The following ANKRD28 variants were observed in gnomAD, a reference collection of about 807,000 sequenced individuals.
The protein encoded by ANKRD28 is ankyrin repeat domain 28, also known as serine/threonine-protein phosphatase 6 regulatory ankyrin repeat subunit A.
In ANKRD28, 44 loss-of-function variants were observed where a neutral mutation model predicts 126.5. The ratio of observed to expected loss-of-function variants is 0.35; its 90% CI spans 0.27 to 0.45. The LOEUF is 0.45. ANKRD28 is among the 20% of genes least tolerant of loss of function. The pLI, the probability that ANKRD28 is intolerant of heterozygous loss-of-function variation, is 1.00. For synonymous variants in ANKRD28, 442 were observed against 468.5 expected (o/e 0.94, Z 0.73); for missense variants, 1,110 against 1,316.6 (o/e 0.84, Z 2.43).
intron 14 of ANKRD28, among the ~76,000 whole-genome samples, chr3:15,706,536 G>C (rs191310710): frequency 3.4e-3 from 522 of 152,194 alleles, no homozygotes; most frequent in Non-Finnish European, 5.7e-3. Context: ...TGTGAATAGT[G>C]TCACAATAAA....
intron 2 of ANKRD28, among the ~76,000 whole-genome samples, chr3:15,772,389 T>C (rs957985988): frequency 2.0e-5 from 3 of 152,112 alleles, no homozygotes; most frequent in South Asian, 4.1e-4. Context: ...AAGCCAACAT[T>C]ATCATCCTGA....
intron 27 of ANKRD28, among the ~76,000 whole-genome samples, chr3:15,672,832 C>T (rs934423414): frequency 2.0e-5 from 3 of 152,174 alleles, no homozygotes; most frequent in Non-Finnish European, 4.4e-5. Context: ...CTAGAGTGCA[C>T]TGGCATGATC....
intron 14 of ANKRD28, among the ~76,000 whole-genome samples, chr3:15,698,711 C>T (rs527692619): frequency 6.6e-6 from 1 of 152,264 alleles, no homozygotes; most frequent in African/African-American, 2.4e-5. Context: ...TCAGGCAGAA[C>T]TACAAACCAC....
chr3:15,695,163 T>C (rs1379013351), intron 16 of ANKRD28, 25 bp downstream of exon 16: 1 of 1,576,108 alleles, frequency 6.3e-7, no homozygotes, highest in East Asian at 2.2e-5. Context: ...TACTAATTGG[T>C]GGGAGGGAAT....
chr3:15,796,643 GTT>G lies in ANKRD28; in HGVS notation c.-124_-123del, dbSNP rs34139082. 3.1e-4 allele frequency: 281 copies of G among 912,366 alleles called. No homozygotes were observed. In the East Asian group the frequency reaches 5.6e-3, roughly 18 times the overall value. The allele number at this position is 912,366 out of a possible 1,614,324, so 56.5% of individuals were successfully genotyped here. A position where few individuals can be genotyped will look rare whatever the true frequency, so the allele number is the denominator to read the frequency against. ...AACATTCTCTGAACAGCACAGCTGG[GTT>G]TTTTTTTTTTTTAAAGTTAATAAGT... On this transcript the variant is annotated 5_prime_UTR_variant, in exon 1 of 28. Coordinates refer to ENST00000683139, the MANE Select transcript of ANKRD28 (RefSeq NM_001349278.2).
intron 4 of ANKRD28, among the ~76,000 whole-genome samples, chr3:15,742,095 A>G (rs958316638): frequency 3.3e-5 from 5 of 150,642 alleles, no homozygotes; most frequent in Non-Finnish European, 7.4e-5. Flanking sequence ...TACAACCTCC[A>G]CCTCCCAGCC....
In ANKRD28 at chr3:15,814,351, C is replaced by G. The variant is rs190492486; in HGVS notation, c.28-19045G>C. Reference sequence around the variant, plus strand: ...ATATCAAAAGAAAGAATACGCTGATCCTAGAAATTAAGGGCTATGTTATTT... The same window carrying G: ...ATATCAAAAGAAAGAATACGCTGATGCTAGAAATTAAGGGCTATGTTATTT... On this transcript the variant is annotated intron_variant, in intron 1 of 27. Transcript: ENST00000399451. This position sits in a 1 kb window ranked among gnomAD's most constrained non-coding sequence, Gnocchi z 4.7. The G allele has an allele frequency of 1.4e-5, 16 of 1,134,920 alleles. No homozygotes were observed. The East Asian group carries it at 1.0e-3, about 72-fold the overall frequency. The allele number at this position is 1,134,920 out of a possible 1,614,324, so 70.3% of individuals were successfully genotyped here. A position where few individuals can be genotyped will look rare whatever the true frequency, so the allele number is the denominator to read the frequency against.
At position 15,815,455 on chromosome 3, in the gene ANKRD28, C is replaced by T. The variant is rs1053444672; in HGVS notation, c.28-20149G>A. On this transcript the variant is annotated intron_variant, in intron 1 of 27. Transcript: ENST00000399451. This position sits in a 1 kb window ranked among gnomAD's most constrained non-coding sequence, Gnocchi z 4.1. ...GCGACCACAGGCATGCATAACCTCA[C>T]CCAGTTAATTTTTTAATTTGTTTGT... Among the ~76,000 whole-genome samples, 2 of 152,100 alleles carry T rather than the reference C, an allele frequency of 1.3e-5. No homozygotes were observed.
intron 10 of ANKRD28, among the ~76,000 whole-genome samples, chr3:15,712,831 G>A (rs188494123): frequency 1.6e-3 from 243 of 152,230 alleles, no homozygotes; most frequent in Non-Finnish European, 2.4e-3. Flanking sequence ...TATCTAGATG[G>A]CTAAATTAAT....
intron 2 of ANKRD28, among the ~76,000 whole-genome samples, chr3:15,786,515 C>T (rs1305531070): frequency 8.6e-5 from 13 of 151,820 alleles, no homozygotes; most frequent in Admixed American, 8.6e-4. Context: ...CCTTTGGGAG[C>T]CATAGAAATG....
chr3:15,770,575 C>T (rs1398452771), intron 2 of ANKRD28, among the ~76,000 whole-genome samples: 1 of 152,130 alleles, frequency 6.6e-6, no homozygotes, highest in East Asian at 1.9e-4. Context: ...GTCGTAAGAA[C>T]AATTGAAATC....
chr3:15,793,576 A>G (rs539730889), intron 2 of ANKRD28, among the ~76,000 whole-genome samples: 11 of 152,228 alleles, frequency 7.2e-5, no homozygotes, highest in Non-Finnish European at 1.2e-4. Context: ...AAATGGAATT[A>G]TAGTTCAAAC....
chr3:15,821,653 T>G (rs1335478628), intron 1 of ANKRD28, among the ~76,000 whole-genome samples: 1 of 152,144 alleles, frequency 6.6e-6, no homozygotes, highest in African/African-American at 2.4e-5. Context: ...GAGGAACATG[T>G]AATGAAGAAA....
intron 2 of ANKRD28, among the ~76,000 whole-genome samples, chr3:15,783,573 C>T (rs1244169777): frequency 6.6e-6 from 1 of 151,916 alleles, no homozygotes; most frequent in Non-Finnish European, 1.5e-5. Context: ...CACATGTTCA[C>T]AGTACATTTA....
At chr3:15,799,001 A>G (rs1461409271), upstream of ANKRD28, among the ~76,000 whole-genome samples, 2 of 151,992 alleles carry the variant, frequency 1.3e-5, no homozygotes, top group Non-Finnish European at 2.9e-5. Context: ...AGAGGGAAAA[A>G]CAGACTCAGA....
chr3:15,845,829 G>C lies in ANKRD28; in HGVS notation c.27+13548C>G, dbSNP rs1208491358. ...GAAGCAAGCACGTCTTAATATGGTG[G>C]AGCAGGAGGTAGGGGTATGTGCCAC... On this transcript the variant is annotated intron_variant, in intron 1 of 27. Coordinates refer to the ANKRD28 transcript ENST00000399451. The surrounding 1 kb of genome is among the most constrained non-coding windows in gnomAD (Gnocchi z 4.9). 6.6e-6 allele frequency among the ~76,000 whole-genome samples: 1 copy of C among 152,156 alleles called. No homozygotes were observed. Among genetic ancestry groups the C allele is most frequent in the East Asian group, 1.9e-4 (1 of 5,196 alleles).
At chr3:15,761,062 G>A (rs115490243) in intron 3 of ANKRD28, among the ~76,000 whole-genome samples, 5 of 152,086 alleles carry the variant, frequency 3.3e-5, no homozygotes, top group Admixed American at 6.5e-5. Flanking sequence ...TTTTATGTTA[G>A]AGAAATATAT....
chr3:15,787,891 G>A (rs2059851310), intron 2 of ANKRD28, among the ~76,000 whole-genome samples: 1 of 152,104 alleles, frequency 6.6e-6, no homozygotes, highest in African/African-American at 2.4e-5. Flanking sequence ...TAATTTGGAG[G>A]ACTACTTTTG....
At chr3:15,775,297 G>A (rs189542467) in intron 2 of ANKRD28, among the ~76,000 whole-genome samples, 258 of 152,294 alleles carry the variant, frequency 1.7e-3, no homozygotes, top group Non-Finnish European at 2.6e-3. Context: ...CAACTATGTA[G>A]GAGGAAAAAT....
Sources: gnomAD v4.1 joint callset for allele counts (sites outside exome capture counted in the v4.1 genomes callset) on GRCh38, gnomAD v4.1.1 for gene constraint, Gnocchi (gnomAD v3.1) non-coding constraint, MANE v1.5 for transcripts, NCBI Gene and HGNC (gene_info 2026-07-23, HGNC 2026-07-21) for gene names.